Variants in KLHL4 observed in about 807,000 individuals in gnomAD.
KLHL4 encodes the protein kelch like family member 4.
KLHL4 carries 17 observed loss-of-function variants against 45.8 expected under a neutral mutation model. The observed-to-expected ratio is 0.37, with a 90% confidence interval of 0.25 to 0.56. The LOEUF is 0.56. Among genes scored for constraint, KLHL4 ranks in the 20% least tolerant of loss-of-function variants. The pLI is 0.79. For synonymous variants in KLHL4, 224 were observed against 189.9 expected (o/e 1.18, Z -1.47); for missense variants, 544 against 544.9 (o/e 1.00, Z 0.02).
Position 87,635,678 on chromosome X carries a change from G to A in KLHL4, c.1828G>A (p.Val610Met). The A allele has an allele frequency of 1.7e-6, 2 of 1,210,085 alleles. No individual in the cohort carries two copies. The highest frequency in any genetic ancestry group is 1.7e-5 in the African/African-American group (1 of 57,908). Reference sequence around the variant, plus strand: ...TCCAATGTCCAAAAGACGTGGAGGTGTGGGAGTTGCCACATACAATGGATT... The same window carrying A: ...TCCAATGTCCAAAAGACGTGGAGGTATGGGAGTTGCCACATACAATGGATT... ...CAPMSKRRGG[V>M]GVATYNGFLY... Residue 610 changes from valine (V) to methionine (M), a missense_variant, in exon 9 of 11, where the codon GTG (valine) becomes ATG (methionine). Coordinates refer to ENST00000373119, the MANE Select transcript of KLHL4 (RefSeq NM_019117.5).
intron 9 of KLHL4, among the ~76,000 whole-genome samples, chrX:87,643,340 C>T (rs1441077192): frequency 1.8e-5 from 2 of 110,656 alleles, no homozygotes; most frequent in African/African-American, 6.6e-5. Flanking sequence ...AATACAACTC[C>T]CCTAGCTTAA....
intron 3 of KLHL4, among the ~76,000 whole-genome samples, chrX:87,617,504 A>C (rs1205288079): frequency 8.9e-6 from 1 of 111,956 alleles, no homozygotes; most frequent in Non-Finnish European, 1.9e-5. Context: ...AATATGACAT[A>C]ATGTTCTTTG....
At chrX:87,629,696 T>C (rs948633834) in intron 6 of KLHL4, among the ~76,000 whole-genome samples, 1 of 110,826 alleles carries the variant, frequency 9.0e-6, no homozygotes, top group Non-Finnish European at 1.9e-5. Context: ...CAAAGAGAAC[T>C]AAAAGTTAAA....
intron 1 of KLHL4, among the ~76,000 whole-genome samples, chrX:87,612,930 G>T (rs1414313649): frequency 9.0e-6 from 1 of 111,513 alleles, no homozygotes; most frequent in Admixed American, 9.6e-5. Flanking sequence ...CAACAAGAGT[G>T]CATCTGAAGG....
intron 1 of KLHL4, among the ~76,000 whole-genome samples, chrX:87,578,680 G>A (rs1320582080): frequency 8.9e-6 from 1 of 112,525 alleles, no homozygotes. Flanking sequence ...GACTCCCTCT[G>A]TAAGCAACTT....
chrX:87,606,410 A>G (rs1376153147), intron 1 of KLHL4, among the ~76,000 whole-genome samples: 4 of 111,596 alleles, frequency 3.6e-5, no homozygotes, highest in African/African-American at 1.3e-4. Flanking sequence ...ACAGACTAAA[A>G]GCATTCAAAA....
intron 1 of KLHL4, among the ~76,000 whole-genome samples, chrX:87,564,663 C>G (rs979462310): frequency 9.0e-6 from 1 of 111,452 alleles, no homozygotes; most frequent in African/African-American, 3.3e-5. Flanking sequence ...AGCAACAAAT[C>G]ATATGAAGAA....
At chrX:87,578,876 C>T (rs912838871) in intron 1 of KLHL4, among the ~76,000 whole-genome samples, 5 of 112,026 alleles carry the variant, frequency 4.5e-5, no homozygotes, top group Non-Finnish European at 9.4e-5. Flanking sequence ...ACAGCTTTGT[C>T]AGATTGAGAG....
chrX:87,621,709 A>G (rs1304761534), intron 4 of KLHL4, among the ~76,000 whole-genome samples: 1 of 111,803 alleles, frequency 8.9e-6, no homozygotes, highest in Non-Finnish European at 1.9e-5. Flanking sequence ...CCATAAAAGG[A>G]AAGAGTTTTT....
At chrX:87,637,333 G>T (rs1005779529) in intron 9 of KLHL4, among the ~76,000 whole-genome samples, 3 of 111,840 alleles carry the variant, frequency 2.7e-5, no homozygotes, top group Admixed American at 9.5e-5. Flanking sequence ...AATCTGAACA[G>T]CAGCCCTTGA....
intron 1 of KLHL4, among the ~76,000 whole-genome samples, chrX:87,554,277 T>G (rs1245951683): frequency 4.2e-4 from 38 of 89,934 alleles, no homozygotes; most frequent in East Asian, 8.9e-4. Flanking sequence ...AGCTTGATGG[T>G]GATGGCATTG....
At chrX:87,638,229 G>A (rs1029799277) in intron 9 of KLHL4, among the ~76,000 whole-genome samples, 7 of 111,643 alleles carry the variant, frequency 6.3e-5, no homozygotes, top group African/African-American at 2.3e-4. Flanking sequence ...ATTAGTTTGT[G>A]TTCCCAAAGA....
chrX:87,553,287 A>G (rs1390891565), intron 1 of KLHL4, among the ~76,000 whole-genome samples: 1 of 111,219 alleles, frequency 9.0e-6, no homozygotes, highest in Non-Finnish European at 1.9e-5. Context: ...AAATAAGAAT[A>G]CAATTATCAT....
At chrX:87,631,275 G>T (rs1250791507) in intron 6 of KLHL4, among the ~76,000 whole-genome samples, 1 of 111,492 alleles carries the variant, frequency 9.0e-6, no homozygotes, top group Admixed American at 9.5e-5. Context: ...CTTTCCTATC[G>T]GTGCAGCTGC....
chrX:87,603,195 T>C (rs996393795), intron 1 of KLHL4, among the ~76,000 whole-genome samples: 1 of 112,020 alleles, frequency 8.9e-6, no homozygotes, highest in Non-Finnish European at 1.9e-5. Flanking sequence ...AGCATTTGCA[T>C]GCGTTTTAAC....
At chrX:87,553,312 T>C (rs931687974) in intron 1 of KLHL4, among the ~76,000 whole-genome samples, 4 of 110,999 alleles carry the variant, frequency 3.6e-5, no homozygotes, top group African/African-American at 1.3e-4. Flanking sequence ...TGACTCAATG[T>C]AATTCAAATG....
chrX:87,653,882 G>C (rs1923899865), intron 9 of KLHL4, among the ~76,000 whole-genome samples: 1 of 111,526 alleles, frequency 9.0e-6, no homozygotes, highest in Admixed American at 9.6e-5. Context: ...TGCAGGAACA[G>C]AAAATTAAAC....
At chrX:87,641,683 C>T (rs1395425952) in intron 9 of KLHL4, among the ~76,000 whole-genome samples, 1 of 111,179 alleles carries the variant, frequency 9.0e-6, no homozygotes, top group Non-Finnish European at 1.9e-5. Flanking sequence ...TGGAAACAGA[C>T]TTGGGGCTGT....
At chrX:87,549,856 G>A (rs1931774890) in intron 1 of KLHL4, among the ~76,000 whole-genome samples, 1 of 110,601 alleles carries the variant, frequency 9.0e-6, no homozygotes, top group East Asian at 2.8e-4. Flanking sequence ...GATGCATCTT[G>A]AAGAACTAGG....
Sources: allele counts gnomAD v4.1 joint callset (sites outside exome capture counted in the v4.1 genomes callset), GRCh38; gene constraint gnomAD v4.1.1; transcripts MANE v1.5; gene names NCBI Gene and HGNC (gene_info 2026-07-23, HGNC 2026-07-21).